Variants in SS18L1 observed in about 807,000 individuals in gnomAD.
SS18L1 encodes the protein SS18L1 subunit of BAF chromatin remodeling complex, also known as calcium-responsive transactivator.
A neutral mutation model predicts 70.3 loss-of-function variants in SS18L1; 32 were observed. That is an observed-to-expected ratio of 0.46 (90% confidence interval 0.34 to 0.61). The LOEUF is 0.61. Ranked by LOEUF, SS18L1 falls within the 20% of genes least tolerant of loss-of-function variation. SS18L1 has a pLI of 0.01. For synonymous variants in SS18L1, 237 were observed against 229.7 expected, an observed-to-expected ratio of 1.03 and a Z score of -0.29; for missense variants, 430 against 542.1, an observed-to-expected ratio of 0.79 and a Z score of 2.05.
chr20:62,145,218 C>T (rs1337007689), intron 1 of SS18L1, among the ~76,000 whole-genome samples: 2 of 152,244 alleles, frequency 1.3e-5, no homozygotes, highest in Non-Finnish European at 2.9e-5. Flanking sequence ...AATCTTGATT[C>T]ATCCAATTCT....
At chr20:62,169,047 G>A (rs1375925179) in intron 8 of SS18L1, among the ~76,000 whole-genome samples, 1 of 152,168 alleles carries the variant, frequency 6.6e-6, no homozygotes, top group Non-Finnish European at 1.5e-5. Context: ...CAGGAGCATC[G>A]GGATGTGGTG....
chr20:62,172,397 G>A (rs2057547725), intron 8 of SS18L1, among the ~76,000 whole-genome samples: 1 of 151,916 alleles, frequency 6.6e-6, no homozygotes, highest in African/African-American at 2.4e-5. Flanking sequence ...CAGGTACTTG[G>A]AGTTAGGACA....
At chr20:62,166,445 A>G (rs2057432965) in intron 8 of SS18L1, among the ~76,000 whole-genome samples, 1 of 152,202 alleles carries the variant, frequency 6.6e-6, no homozygotes. Context: ...AAAGAATTGG[A>G]TGTGTAAAGG....
rs1478853583 is a variant in SS18L1, at chr20:62,161,832, T to A, written c.376+252T>A. Among the ~76,000 whole-genome samples, 1 of 152,248 alleles carries A rather than the reference T, an allele frequency of 6.6e-6. No individual in the cohort carries two copies. Among genetic ancestry groups the A allele is most frequent in the Non-Finnish European group, 1.5e-5 (1 of 68,042 alleles). On this transcript the variant is annotated intron_variant, in intron 4 of 10. Transcript: ENST00000331758. This position sits in a 1 kb window ranked among gnomAD's most constrained non-coding sequence, Gnocchi z 4.4. ...ACTGTCACGTTCCATCAAATTCAAA[T>A]GCAAGTTGCGGGGTTCCAGGTGGAT...
chr20:62,149,168 T>C (rs2427256), intron 1 of SS18L1, among the ~76,000 whole-genome samples: 132,419 of 152,244 alleles, frequency 0.87, 57,619 homozygotes, highest in African/African-American at 0.91. Flanking sequence ...CCGTCCCCAG[T>C]GGATGCAGGA....
chr20:62,174,222 T>C lies in SS18L1; in HGVS notation c.1037-295T>C, dbSNP rs1039861159. Among the ~76,000 whole-genome samples the C allele has an allele frequency of 2.0e-5, 3 of 151,598 alleles. No homozygotes were observed. The highest frequency in any genetic ancestry group is 2.0e-4 in the Admixed American group (3 of 15,236). ...CCTTCAGGTAGCAGCAGTTCTGGGG[T>C]GATGGAGAGAGCCCATCAGCCCTCG... On this transcript the variant is annotated intron_variant, in intron 9 of 10. Coordinates refer to ENST00000331758, the MANE Select transcript of SS18L1 (RefSeq NM_198935.3). This position sits in a 1 kb window ranked among gnomAD's most constrained non-coding sequence, Gnocchi z 4.1.
intron 1 of SS18L1, among the ~76,000 whole-genome samples, chr20:62,152,429 C>T (rs375689770): frequency 2.6e-5 from 4 of 152,216 alleles, no homozygotes; most frequent in Admixed American, 6.5e-5. Flanking sequence ...GCCCTCACCT[C>T]GGGAGGCCTC....
intron 10 of SS18L1, among the ~76,000 whole-genome samples, chr20:62,176,398 A>G (rs376332228): frequency 8.9e-4 from 136 of 152,300 alleles, no homozygotes; most frequent in African/African-American, 3.2e-3. Context: ...CTGTAATCCC[A>G]GCTACTTGGA....
intron 1 of SS18L1, among the ~76,000 whole-genome samples, chr20:62,157,394 C>A (rs2057243279): frequency 6.6e-6 from 1 of 152,222 alleles, no homozygotes; most frequent in African/African-American, 2.4e-5. Context: ...GGGCCCAGCC[C>A]CCTGCTGCTC....
At chr20:62,154,252 A>G (rs1601000915) in intron 1 of SS18L1, 1 of 925,998 alleles carries the variant, frequency 1.1e-6, no homozygotes. Context: ...CCACTTGTTC[A>G]TCTTCCTTGT....
chr20:62,154,844 G>A (rs10470079), intron 1 of SS18L1, among the ~76,000 whole-genome samples: 16,372 of 152,128 alleles, frequency 0.11, 2,930 homozygotes, highest in African/African-American at 0.37. Context: ...CTCCTGGAGG[G>A]CCGCGCTGGC....
intron 6 of SS18L1, among the ~76,000 whole-genome samples, 184 bp from the exon 7 acceptor site, chr20:62,163,961 G>A (rs2057379828): frequency 6.6e-6 from 1 of 152,166 alleles, no homozygotes; most frequent in South Asian, 2.1e-4. Flanking sequence ...AGACCAGCCT[G>A]GCCAACATGG....
intron 6 of SS18L1, 137 bp downstream of exon 6, chr20:62,163,759 T>G (rs1601026281): frequency 1.0e-5 from 13 of 1,247,016 alleles, no homozygotes; most frequent in Non-Finnish European, 1.2e-5. Flanking sequence ...GGCGCCTTGG[T>G]GTTAACATTG....
intron 8 of SS18L1, among the ~76,000 whole-genome samples, chr20:62,167,042 GTT>G (rs1216570693): frequency 2.3e-5 from 2 of 88,164 alleles, no homozygotes; most frequent in Non-Finnish European, 4.1e-5. Context: ...GAGTTTGTTT[GTT>G]TTTTTTTTTT....
At chr20:62,168,785 G>A (rs1436035545) in intron 8 of SS18L1, among the ~76,000 whole-genome samples, 3 of 152,184 alleles carry the variant, frequency 2.0e-5, no homozygotes, top group Non-Finnish European at 4.4e-5. Context: ...CTGCGCTCCA[G>A]CCTTGGCAAC....
intron 8 of SS18L1, 90 bp downstream of exon 8, chr20:62,165,604 GCCTTCAGTGAGTC>G: frequency 8.3e-7 from 1 of 1,211,670 alleles, no homozygotes; most frequent in Non-Finnish European, 1.2e-6. Context: ...CGCGGTGCCT[GCCTTCAGTGAGTC>G]CCTTAAATCA....
intron 8 of SS18L1, among the ~76,000 whole-genome samples, chr20:62,166,536 G>A (rs1216420775): frequency 1.3e-5 from 2 of 152,188 alleles, no homozygotes; most frequent in African/African-American, 4.8e-5. Flanking sequence ...AAACATCACG[G>A]TGTGCGCTAC....
chr20:62,166,061 G>T (rs1343224601), intron 8 of SS18L1, among the ~76,000 whole-genome samples: 1 of 152,222 alleles, frequency 6.6e-6, no homozygotes, highest in Admixed American at 6.5e-5. Context: ...GGGTGGACTT[G>T]CCCCTTTCTG....
At chr20:62,147,345 C>T (rs978032383) in intron 1 of SS18L1, among the ~76,000 whole-genome samples, 106 of 152,142 alleles carry the variant, frequency 7.0e-4, no homozygotes, top group South Asian at 4.2e-4. Flanking sequence ...GGGCCATGTC[C>T]CCACGGTGGC....
Sources: allele counts gnomAD v4.1 joint callset (sites outside exome capture counted in the v4.1 genomes callset), GRCh38; gene constraint gnomAD v4.1.1; non-coding constraint Gnocchi (gnomAD v3.1); transcripts MANE v1.5; gene names NCBI Gene and HGNC (gene_info 2026-07-23, HGNC 2026-07-21).